Variants in FAM107B observed in about 807,000 individuals in gnomAD.
FAM107B encodes the protein family with sequence similarity 107 member B, also known as protein FAM107B.
In FAM107B, 21 loss-of-function variants were observed where a neutral mutation model predicts 31.5. The observed-to-expected ratio is 0.67, with a 90% CI of 0.47 to 0.96. The LOEUF (loss-of-function observed/expected upper bound fraction) is 0.96. Among genes scored for constraint, FAM107B ranks in the 40% least tolerant of loss-of-function variants. FAM107B has a pLI of 0.00. For synonymous variants in FAM107B, 157 were observed against 141.5 expected (o/e 1.11, Z -0.78); for missense variants, 452 against 377.1 (o/e 1.20, Z -1.64).
In FAM107B at chr10:14,725,619, CAGAGAGAGAGAA is replaced by C. The variant is rs1279936396; in HGVS notation, c.411+48622_411+48633del. 2.0e-5 allele frequency among the ~76,000 whole-genome samples: 3 copies of C among 150,624 alleles called. No homozygotes were observed. In the East Asian group the frequency reaches 5.9e-4, roughly 30 times the overall value. ...GGGGAGAAAGAGAAAGAGAGACAGACAGAGAGAGAGAAAGAGAGAGAGAAAGCTCTCTAGTAA... is the reference window on the plus strand; with the variant it reads ...GGGGAGAAAGAGAAAGAGAGACAGACAGAGAGAGAGAAAGCTCTCTAGTAA... On this transcript the variant is annotated intron_variant, in intron 1 of 4. Coordinates refer to ENST00000181796, the MANE Select transcript of FAM107B (RefSeq NM_031453.4).
intron 3 of FAM107B, among the ~76,000 whole-genome samples, chr10:14,527,264 G>T (rs1846370814): frequency 6.6e-6 from 1 of 151,866 alleles, no homozygotes; most frequent in African/African-American, 2.4e-5. Flanking sequence ...CTGACACAAG[G>T]TTTTAACCGT....
intron 1 of FAM107B, among the ~76,000 whole-genome samples, chr10:14,725,821 CTTTTTTT>C (rs759788163): frequency 2.1e-5 from 2 of 94,306 alleles, no homozygotes; most frequent in Admixed American, 3.1e-4. Context: ...CAGTCAAATC[CTTTTTTT>C]TTTTTTTTTT....
intron 2 of FAM107B, among the ~76,000 whole-genome samples, chr10:14,574,750 A>G (rs1851412069): frequency 1.3e-5 from 2 of 152,210 alleles, no homozygotes; most frequent in South Asian, 2.1e-4. Context: ...TTTTAATAAC[A>G]TTACATTCAC....
intron 1 of FAM107B, among the ~76,000 whole-genome samples, chr10:14,752,428 G>A (rs1403869567): frequency 1.3e-5 from 2 of 152,188 alleles, no homozygotes; most frequent in African/African-American, 4.8e-5. Context: ...ATTCAGACGA[G>A]TGTTTTGCTT....
At chr10:14,734,488 G>GTGTTTTTTTTTTTT (rs558940939) in intron 1 of FAM107B, among the ~76,000 whole-genome samples, 1 of 138,546 alleles carries the variant, frequency 7.2e-6, no homozygotes, top group Non-Finnish European at 1.6e-5. Context: ...TTTTTGTGAG[G>GTGTTTTTTTTTTTT]TTTTTTTTTT....
chr10:14,604,128 C>A (rs1359609636), intron 2 of FAM107B: 3 of 636,620 alleles, frequency 4.7e-6, no homozygotes, highest in Non-Finnish European at 5.8e-6. Context: ...CCCACCCGCC[C>A]GGCCGCCCGC....
chr10:14,611,869 T>A (rs181851414), intron 2 of FAM107B, among the ~76,000 whole-genome samples: 1 of 152,214 alleles, frequency 6.6e-6, no homozygotes, highest in East Asian at 1.9e-4. Context: ...AGTTATTAGC[T>A]GGGAGTCACT....
intron 3 of FAM107B, among the ~76,000 whole-genome samples, chr10:14,524,661 A>C (rs1183336828): frequency 6.6e-6 from 1 of 152,232 alleles, no homozygotes; most frequent in Non-Finnish European, 1.5e-5. Flanking sequence ...ATAAAGTTTT[A>C]CTCAGTTTCA....
At chr10:14,762,752 T>TCACACACACA (rs1491112835) in intron 1 of FAM107B, among the ~76,000 whole-genome samples, 1 of 117,504 alleles carries the variant, frequency 8.5e-6, no homozygotes, top group Non-Finnish European at 1.9e-5. Context: ...TGAAACTCTG[T>TCACACACACA]CTCACACACA....
At chr10:14,739,744 T>C (rs1273089988) in intron 1 of FAM107B, among the ~76,000 whole-genome samples, 1 of 152,204 alleles carries the variant, frequency 6.6e-6, no homozygotes, top group African/African-American at 2.4e-5. Context: ...GGTATTCTCT[T>C]TATGCTGAAC....
chr10:14,535,703 T>C (rs1050585833), intron 2 of FAM107B, among the ~76,000 whole-genome samples: 1 of 152,246 alleles, frequency 6.6e-6, no homozygotes, highest in African/African-American at 2.4e-5. Context: ...CCTCTCGTGC[T>C]GTTCTGAATG....
chr10:14,673,801 G>A (rs564618873), intron 1 of FAM107B, among the ~76,000 whole-genome samples: 1 of 151,892 alleles, frequency 6.6e-6, no homozygotes, highest in Non-Finnish European at 1.5e-5. Context: ...CTTGATAATC[G>A]CCATTTGAAC....
At chr10:14,525,113 C>T (rs1210209901) in intron 3 of FAM107B, among the ~76,000 whole-genome samples, 1 of 152,228 alleles carries the variant, frequency 6.6e-6, no homozygotes, top group Non-Finnish European at 1.5e-5. Flanking sequence ...AAAAGTCAAG[C>T]ATTGCCCATG....
chr10:14,662,451 A>G (rs1424021296), intron 2 of FAM107B, among the ~76,000 whole-genome samples: 2 of 148,612 alleles, frequency 1.3e-5, no homozygotes, highest in African/African-American at 5.0e-5. Flanking sequence ...ATCATGGCTC[A>G]TTGCAGCTTC....
intron 2 of FAM107B, among the ~76,000 whole-genome samples, chr10:14,594,275 G>A (rs568501150): frequency 6.6e-5 from 10 of 152,222 alleles, no homozygotes; most frequent in Admixed American, 2.6e-4. Flanking sequence ...GGAGGCCAAC[G>A]CAAAAGGATT....
At chr10:14,737,482 C>G (rs1323146797) in intron 1 of FAM107B, among the ~76,000 whole-genome samples, 2 of 151,938 alleles carry the variant, frequency 1.3e-5, no homozygotes, top group Non-Finnish European at 1.5e-5. Context: ...GGCGTGGTGA[C>G]AGGCACCTGT....
chr10:14,741,433 C>G (rs1250970120), intron 1 of FAM107B, among the ~76,000 whole-genome samples: 1 of 152,130 alleles, frequency 6.6e-6, no homozygotes, highest in Non-Finnish European at 1.5e-5. Context: ...AGAGCATCCA[C>G]TAAGGTCACC....
chr10:14,549,226 G>C (rs1358181812), intron 2 of FAM107B, among the ~76,000 whole-genome samples: 1 of 152,208 alleles, frequency 6.6e-6, no homozygotes, highest in Non-Finnish European at 1.5e-5. Flanking sequence ...AAGAGACTAA[G>C]ACACATACAA....
At chr10:14,697,649 A>G (rs1035170885) in intron 1 of FAM107B, among the ~76,000 whole-genome samples, 1 of 152,238 alleles carries the variant, frequency 6.6e-6, no homozygotes, top group Non-Finnish European at 1.5e-5. Flanking sequence ...TTCCTCTGCA[A>G]AATGCATTCA....
Sources: allele counts gnomAD v4.1 joint callset (sites outside exome capture counted in the v4.1 genomes callset), GRCh38; gene constraint gnomAD v4.1.1; transcripts MANE v1.5; gene names NCBI Gene and HGNC (gene_info 2026-07-23, HGNC 2026-07-21).